Variants in EPHA3 observed in about 807,000 individuals in gnomAD.
EPHA3 encodes the protein EPH receptor A3, also known as ephrin type-A receptor 3.
EPHA3 carries 42 observed loss-of-function variants against 107.1 expected under a neutral mutation model. The observed-to-expected ratio is 0.39, with a 90% CI of 0.31 to 0.51. EPHA3 has a LOEUF of 0.51. EPHA3 is among the 20% of genes least tolerant of loss of function. The probability of loss-of-function intolerance (pLI) is 0.78; values close to 1 mark genes in which losing one functional copy is unlikely to be tolerated. For synonymous variants in EPHA3, 461 were observed against 424.8 expected, an observed-to-expected ratio of 1.09 and a Z score of -1.05; for missense variants, 1,183 against 1,211.2, an observed-to-expected ratio of 0.98 and a Z score of 0.35.
intron 5 of EPHA3, among the ~76,000 whole-genome samples, chr3:89,349,547 T>C (rs1407942019): frequency 6.7e-6 from 1 of 149,008 alleles, no homozygotes; most frequent in Non-Finnish European, 1.5e-5. Flanking sequence ...TACAGCACAC[T>C]GATGGGTCTT....
intron 2 of EPHA3, among the ~76,000 whole-genome samples, chr3:89,208,480 A>AAGAAAGAG (rs1576231564): frequency 6.9e-6 from 1 of 145,884 alleles, no homozygotes; most frequent in Non-Finnish European, 1.5e-5. Flanking sequence ...GAAAGAAAGA[A>AAGAAAGAG]AGAGAAAAAG....
intron 15 of EPHA3, among the ~76,000 whole-genome samples, chr3:89,460,230 C>T (rs1002512340): frequency 2.0e-5 from 3 of 152,112 alleles, no homozygotes; most frequent in Non-Finnish European, 4.4e-5. Flanking sequence ...AGAATTTCCA[C>T]TAGCCAGGTA....
chr3:89,297,015 A>C (rs147432382), intron 3 of EPHA3, among the ~76,000 whole-genome samples: 79 of 152,288 alleles, frequency 5.2e-4, no homozygotes, highest in African/African-American at 1.8e-3. Flanking sequence ...ACTTTCATAG[A>C]ATTGAAGAAT....
At chr3:89,158,500 T>C (rs1469214775) in intron 2 of EPHA3, among the ~76,000 whole-genome samples, 1 of 152,118 alleles carries the variant, frequency 6.6e-6, no homozygotes, top group Non-Finnish European at 1.5e-5. Context: ...AATTTGTTTA[T>C]CAGAAAACAA....
At chr3:89,425,387 C>A (rs1169227963) in intron 11 of EPHA3, among the ~76,000 whole-genome samples, 2 of 143,422 alleles carry the variant, frequency 1.4e-5, no homozygotes, top group African/African-American at 2.6e-5. Context: ...CAATTTTTTT[C>A]AACTTTCCAT....
intron 15 of EPHA3, among the ~76,000 whole-genome samples, chr3:89,460,771 C>A (rs1440815719): frequency 6.9e-6 from 1 of 144,656 alleles, no homozygotes; most frequent in Non-Finnish European, 1.5e-5. Context: ...TGATACAGAA[C>A]CTTTTAGAGG....
At chr3:89,347,940 C>T (rs1422452737) in intron 5 of EPHA3, among the ~76,000 whole-genome samples, 1 of 151,102 alleles carries the variant, frequency 6.6e-6, no homozygotes, top group African/African-American at 2.4e-5. Flanking sequence ...TATATTGGAC[C>T]AGCCTTGCAT....
intron 2 of EPHA3, among the ~76,000 whole-genome samples, chr3:89,208,993 C>T (rs1706196342): frequency 6.6e-6 from 1 of 152,136 alleles, no homozygotes; most frequent in Non-Finnish European, 1.5e-5. Flanking sequence ...TCATAAGTAA[C>T]ACACACTTAC....
At chr3:89,355,333 C>T (rs918776161) in intron 5 of EPHA3, among the ~76,000 whole-genome samples, 3 of 151,178 alleles carry the variant, frequency 2.0e-5, no homozygotes, top group Non-Finnish European at 4.4e-5. Context: ...TTCTAAGTTT[C>T]TTTCCAATTA....
At position 89,351,188 on chromosome 3, in the gene EPHA3, G is replaced by C. The variant is rs570205304; in HGVS notation, c.1306+9098G>C. Among the ~76,000 whole-genome samples, 152 of 151,310 alleles carry C rather than the reference G, an allele frequency of 1.0e-3. 8 individuals carry two copies. Among genetic ancestry groups the C allele is most frequent in the Middle Eastern group, 6.8e-3 (2 of 292 alleles). ...CTGCTTTGTTTACCTAAGCAAGCCT[G>C]GGCAATGGCGGGCGCCCCTCCCCCA... On this transcript the variant is annotated intron_variant, in intron 5 of 16. Transcript: ENST00000336596.
chr3:89,300,755 C>T (rs1706465625), intron 3 of EPHA3, among the ~76,000 whole-genome samples: 1 of 152,014 alleles, frequency 6.6e-6, no homozygotes, highest in African/African-American at 2.4e-5. Context: ...TAGTGTCTGC[C>T]ATTTATTTTA....
At chr3:89,292,284 T>C (rs1706224667) in intron 3 of EPHA3, among the ~76,000 whole-genome samples, 1 of 152,172 alleles carries the variant, frequency 6.6e-6, no homozygotes, top group Non-Finnish European at 1.5e-5. Context: ...CAAATTTTAA[T>C]ATACAGTATA....
intron 3 of EPHA3, among the ~76,000 whole-genome samples, chr3:89,274,792 C>G (rs1394484475): frequency 2.0e-5 from 3 of 151,932 alleles, no homozygotes; most frequent in East Asian, 1.9e-4. Context: ...GCAGATTAAC[C>G]AAAAAATTTT....
At position 89,125,176 on chromosome 3, in the gene EPHA3, C is replaced by G. The variant is rs567470366; in HGVS notation, c.89-2033C>G. On this transcript the variant is annotated intron_variant, in intron 1 of 16. Transcript: ENST00000336596. ...CATATAATTATCATTTAGTAATGTG[C>G]AATTACTACCTGAACACAATGATAC... Among the ~76,000 whole-genome samples the G allele has an allele frequency of 2.8e-4, 43 of 151,846 alleles. 1 individual carries two copies. The South Asian group carries it at 7.5e-3, about 26-fold the overall frequency.
chr3:89,377,325 C>A (rs1267775097), intron 5 of EPHA3, among the ~76,000 whole-genome samples: 1 of 151,996 alleles, frequency 6.6e-6, no homozygotes, highest in Non-Finnish European at 1.5e-5. Context: ...TCATATGTAC[C>A]CATTTGCAAA....
chr3:89,332,739 C>A (rs1707315678), intron 3 of EPHA3, among the ~76,000 whole-genome samples: 2 of 152,136 alleles, frequency 1.3e-5, no homozygotes, highest in South Asian at 4.1e-4. Context: ...TTAGTCAGTG[C>A]TGGTTCTAGT....
chr3:89,411,803 A>G (rs1709158489), intron 9 of EPHA3, among the ~76,000 whole-genome samples: 1 of 151,908 alleles, frequency 6.6e-6, no homozygotes, highest in Non-Finnish European at 1.5e-5. Flanking sequence ...ACTATTTAAT[A>G]CAAACTACAA....
intron 5 of EPHA3, among the ~76,000 whole-genome samples, chr3:89,355,942 C>T (rs912963415): frequency 2.1e-4 from 32 of 149,830 alleles, no homozygotes; most frequent in African/African-American, 7.8e-4. Context: ...ATTAACTCTT[C>T]ATTTAGCATT....
chr3:89,191,981 C>T (rs147558056), intron 2 of EPHA3, among the ~76,000 whole-genome samples: 1 of 152,138 alleles, frequency 6.6e-6, no homozygotes, highest in Non-Finnish European at 1.5e-5. Context: ...ATAGTAAAAC[C>T]TTGTCTCCTT....
Sources: allele counts gnomAD v4.1 joint callset (sites outside exome capture counted in the v4.1 genomes callset), GRCh38; gene constraint gnomAD v4.1.1; transcripts MANE v1.5; gene names NCBI Gene and HGNC (gene_info 2026-07-23, HGNC 2026-07-21).